Variants in ARHGAP44 observed in about 807,000 individuals in gnomAD.
ARHGAP44 encodes Rho GTPase activating protein 44, also known as rho GTPase-activating protein 44.
A neutral mutation model predicts 106.8 loss-of-function variants in ARHGAP44; 43 were observed. The observed-to-expected ratio is 0.40, with a 90% CI of 0.32 to 0.52. The LOEUF is 0.52. ARHGAP44 is among the 20% of genes least tolerant of loss of function. ARHGAP44 has a pLI of 0.48. For synonymous variants in ARHGAP44, 439 were observed against 410.3 expected (o/e 1.07, Z -0.85); for missense variants, 866 against 1,050.5 (o/e 0.82, Z 2.43).
intron 18 of ARHGAP44, among the ~76,000 whole-genome samples, chr17:12,975,966 G>A (rs1369622917): frequency 6.6e-6 from 1 of 152,068 alleles, no homozygotes; most frequent in Admixed American, 6.6e-5. Flanking sequence ...GGCATGATCA[G>A]GGGAGGCAGA....
intron 1 of ARHGAP44, among the ~76,000 whole-genome samples, chr17:12,873,918 TAAATAAATAAAC>T (rs143545153): frequency 0.12 from 2,746 of 22,440 alleles, 116 homozygotes; most frequent in African/African-American, 0.14. Flanking sequence ...AATAAATAAA[TAAATAAATAAAC>T]AAATAAATAA....
intron 12 of ARHGAP44, among the ~76,000 whole-genome samples, chr17:12,951,877 A>G (rs2038999438): frequency 6.6e-6 from 1 of 152,152 alleles, no homozygotes; most frequent in Non-Finnish European, 1.5e-5. Flanking sequence ...CTGTGATTCA[A>G]AGCTCCCAAG....
chr17:12,953,027 A>T (rs1053224817), intron 13 of ARHGAP44, among the ~76,000 whole-genome samples: 2 of 152,194 alleles, frequency 1.3e-5, no homozygotes, highest in Non-Finnish European at 2.9e-5. Flanking sequence ...AGGAGCAAAG[A>T]TGAATGCAAG....
At chr17:12,960,913 G>A (rs993507215) in intron 16 of ARHGAP44, among the ~76,000 whole-genome samples, 1 of 152,134 alleles carries the variant, frequency 6.6e-6, no homozygotes, top group Admixed American at 6.5e-5. Flanking sequence ...TAGAATCTGC[G>A]AGTCAGAGAC....
chr17:12,987,217 C>T (rs1345090719), intron 20 of ARHGAP44: 1 of 1,391,918 alleles, frequency 7.2e-7, no homozygotes. Context: ...CCGCTCCTCC[C>T]CTCCGCTCCT....
intron 1 of ARHGAP44, among the ~76,000 whole-genome samples, chr17:12,861,015 C>G (rs1483101053): frequency 6.6e-6 from 1 of 152,148 alleles, no homozygotes; most frequent in African/African-American, 2.4e-5. Flanking sequence ...CACCACCATG[C>G]CCAGCTAACT....
chr17:12,815,779 G>A (rs1379409586), intron 1 of ARHGAP44, among the ~76,000 whole-genome samples: 1 of 152,168 alleles, frequency 6.6e-6, no homozygotes, highest in Non-Finnish European at 1.5e-5. Context: ...AGCTTCATGG[G>A]GGAGGTGGAA....
intron 6 of ARHGAP44, among the ~76,000 whole-genome samples, chr17:12,923,032 T>G (rs1189851018): frequency 3.3e-5 from 5 of 152,216 alleles, no homozygotes; most frequent in Admixed American, 6.5e-5. Context: ...TGCAAATTTC[T>G]GTTTTTATAA....
chr17:12,979,972 G>A, intron 18 of ARHGAP44, 86 bp from the exon 19 acceptor site: 1 of 1,385,758 alleles, frequency 7.2e-7, no homozygotes, highest in South Asian at 1.4e-5. Context: ...GGCCCAGAAG[G>A]ACACACAGGG....
intron 16 of ARHGAP44, among the ~76,000 whole-genome samples, chr17:12,972,088 T>C (rs1224687726): frequency 6.6e-6 from 1 of 152,192 alleles, no homozygotes; most frequent in African/African-American, 2.4e-5. Context: ...CTAGTGTAGG[T>C]GACCATTTGG....
At chr17:12,914,090 T>A (rs2037829781) in intron 4 of ARHGAP44, among the ~76,000 whole-genome samples, 1 of 151,866 alleles carries the variant, frequency 6.6e-6, no homozygotes, top group South Asian at 2.1e-4. Context: ...CACGTGTGTA[T>A]ATGAAGTTCC....
chr17:12,991,337 T>C lies in ARHGAP44; in HGVS notation c.*1166T>C, dbSNP rs1305717691. ...ATACCTATACATGATATAATATTTG[T>C]ATATATGAAATCTCTCTATATTTGT... On this transcript the variant is annotated 3_prime_UTR_variant, in exon 21 of 21. Transcript: ENST00000379672. 1 of 153,134 alleles carries C rather than the reference T, an allele frequency of 6.5e-6. No homozygotes were observed. The highest frequency in any genetic ancestry group is 1.5e-5 in the Non-Finnish European group (1 of 68,320). The allele number at this position is 153,134 out of a possible 1,614,324, so 9.5% of individuals were successfully genotyped here. A position where few individuals can be genotyped will look rare whatever the true frequency, so the allele number is the denominator to read the frequency against.
chr17:12,808,936 T>C (rs1262075461), intron 1 of ARHGAP44, among the ~76,000 whole-genome samples: 2 of 152,260 alleles, frequency 1.3e-5, no homozygotes, highest in African/African-American at 4.8e-5. Flanking sequence ...TAAAACTGAA[T>C]GCTTTTAACA....
chr17:12,988,654 T>C (rs1248117817), intron 20 of ARHGAP44: 1 of 152,282 alleles, frequency 6.6e-6, no homozygotes, highest in East Asian at 1.9e-4. Context: ...GTTTGTATGA[T>C]GTCTTTCAGG....
At chr17:12,985,599 A>G (rs1218065663) in intron 20 of ARHGAP44, 9 of 152,246 alleles carry the variant, frequency 5.9e-5, no homozygotes, top group Non-Finnish European at 1.2e-4. Context: ...CACCACGTTT[A>G]GCCAAAACCA....
chr17:12,855,501 C>T (rs917339290), intron 1 of ARHGAP44, among the ~76,000 whole-genome samples: 10 of 146,028 alleles, frequency 6.8e-5, no homozygotes, highest in Middle Eastern at 3.5e-3. Context: ...TCATTTTCTT[C>T]CCCTGATGTT....
chr17:12,855,973 T>C (rs1159137687), intron 1 of ARHGAP44, among the ~76,000 whole-genome samples: 1 of 152,170 alleles, frequency 6.6e-6, no homozygotes, highest in Non-Finnish European at 1.5e-5. Context: ...CACAAAACCC[T>C]CAATCTGCTT....
Position 12,949,172 on chromosome 17 carries a change from A to G in ARHGAP44, c.894A>G (p.Lys298=), listed in dbSNP as rs759444597. The G allele has an allele frequency of 1.9e-6, 3 of 1,581,230 alleles. No homozygotes were observed. The Admixed American group carries it at 5.4e-5, about 29-fold the overall frequency. The change falls in exon 11 of 21, where the codon AAA becomes AAG. Residue 298 remains lysine (K), a synonymous_variant. Coordinates refer to ENST00000379672, the MANE Select transcript of ARHGAP44 (RefSeq NM_014859.6). This position sits in a 1 kb window ranked among gnomAD's most constrained non-coding sequence, Gnocchi z 4.1. ...TCCGAGTAGCCCCCTCTGCCTCCAA[A>G]CTGAAGAAGCTGAAAGCGGCCCTGG... The part of the protein sequence containing the change: ...GLFRVAPSAS[K]LKKLKAALDC...
intron 18 of ARHGAP44, 141 bp downstream of exon 18, chr17:12,974,451 G>A (rs1046413109): frequency 1.5e-5 from 11 of 731,488 alleles, no homozygotes; most frequent in Non-Finnish European, 2.0e-5. Flanking sequence ...TGGCTTCTGC[G>A]TCGCGCTGGC....
Sources: allele counts gnomAD v4.1 joint callset (sites outside exome capture counted in the v4.1 genomes callset), GRCh38; gene constraint gnomAD v4.1.1; non-coding constraint Gnocchi (gnomAD v3.1); transcripts MANE v1.5; gene names NCBI Gene and HGNC (gene_info 2026-07-23, HGNC 2026-07-21).